Variants in TRIM44 observed in about 807,000 individuals in gnomAD.
TRIM44 encodes the protein tripartite motif containing 44, also known as tripartite motif-containing protein 44.
TRIM44 carries 13 observed loss-of-function variants against 37.4 expected under a neutral mutation model. The ratio of observed to expected loss-of-function variants is 0.35; its 90% CI spans 0.23 to 0.55. TRIM44 has a LOEUF of 0.55. TRIM44 is among the 20% of genes least tolerant of loss of function. The pLI is 0.89. For missense variants in TRIM44, 426 were observed against 437.2 expected (o/e 0.97, Z 0.23); for synonymous variants, 175 against 157.2 (o/e 1.11, Z -0.85).
chr11:35,736,910 C>T (rs1455823309), intron 4 of TRIM44, among the ~76,000 whole-genome samples: 1 of 152,138 alleles, frequency 6.6e-6, no homozygotes, highest in Non-Finnish European at 1.5e-5. Context: ...GTGTGTCTGG[C>T]ACTGTGCTAC....
chr11:35,675,615 G>A (rs1245499002), intron 1 of TRIM44, among the ~76,000 whole-genome samples: 1 of 152,082 alleles, frequency 6.6e-6, no homozygotes, highest in Non-Finnish European at 1.5e-5. Context: ...TCCGCCTCCC[G>A]GGTTCAAGTG....
intron 4 of TRIM44, among the ~76,000 whole-genome samples, chr11:35,798,267 C>G (rs1405185615): frequency 6.6e-6 from 1 of 152,102 alleles, no homozygotes; most frequent in Non-Finnish European, 1.5e-5. Context: ...TGTTGTCTGT[C>G]CTTTGTGAGG....
chr11:35,676,422 G>A (rs1207221664), intron 1 of TRIM44, among the ~76,000 whole-genome samples: 1 of 152,168 alleles, frequency 6.6e-6, no homozygotes, highest in Non-Finnish European at 1.5e-5. Context: ...AATCTGGTGG[G>A]TAGATAGGCT....
rs1853526002 is a variant in TRIM44, at chr11:35,811,355, T to C, written c.*4970T>C. 1.3e-5 allele frequency: 2 copies of C among 152,238 alleles called. No homozygotes were observed. The highest frequency in any genetic ancestry group is 4.8e-5 in the African/African-American group (2 of 41,472). The allele number at this position is 152,238 out of a possible 1,614,324, so 9.4% of individuals were successfully genotyped here. A position where few individuals can be genotyped will look rare whatever the true frequency, so the allele number is the denominator to read the frequency against. ...CTAAAGAATACTTGGTGCCAAATTA[T>C]GTTTTCAAATAACATTAAAGTTTTA... On this transcript the variant is annotated 3_prime_UTR_variant, in exon 5 of 5. Coordinates refer to ENST00000299413, the MANE Select transcript of TRIM44 (RefSeq NM_017583.6).
At chr11:35,797,024 A>C (rs2133881249) in intron 4 of TRIM44, among the ~76,000 whole-genome samples, 1 of 152,274 alleles carries the variant, frequency 6.6e-6, no homozygotes, top group South Asian at 2.1e-4. Context: ...TGCCTCTAAA[A>C]CCATATCTCT....
chr11:35,768,096 A>G (rs1404084033), intron 4 of TRIM44, among the ~76,000 whole-genome samples: 1 of 152,244 alleles, frequency 6.6e-6, no homozygotes, highest in Non-Finnish European at 1.5e-5. Flanking sequence ...CTAAAGGCCT[A>G]AAGGAAACTT....
chr11:35,752,725 C>CTTCCTATGTCAGGGCCTTTGTGCTCATG (rs1177433020), intron 4 of TRIM44, among the ~76,000 whole-genome samples: 1 of 152,138 alleles, frequency 6.6e-6, no homozygotes, highest in Non-Finnish European at 1.5e-5. Context: ...GGTGAAGTTC[C>CTTCCTATGTCAGGGCCTTTGTGCTCATG]TTCCTATGTC....
intron 2 of TRIM44, among the ~76,000 whole-genome samples, chr11:35,686,296 G>T (rs640977): frequency 0.08 from 12,157 of 151,586 alleles, 1,490 homozygotes; most frequent in African/African-American, 0.26. Flanking sequence ...CTTTGCCTTA[G>T]AATCAAAGTT....
Position 35,726,022 on chromosome 11 carries a change from C to T in TRIM44, c.846C>T (p.Asp282=), listed in dbSNP as rs1852170359. ...AGCAGAAGGCCCTTCATCTAGTGGA[C>T]ATCCAAGAGGCAATGGCCACAGCTC... The part of the protein sequence containing the change: ...DEEQKALHLV[D]IQEAMATAHV... Residue 282 remains aspartate, a synonymous_variant, in exon 3 of 5, where the codon GAC becomes GAT. Coordinates refer to ENST00000299413, the MANE Select transcript of TRIM44 (RefSeq NM_017583.6). The T allele has an allele frequency of 1.2e-6, 2 of 1,614,094 alleles. No homozygotes were observed. The highest frequency in any genetic ancestry group is 2.2e-5 in the East Asian group (1 of 44,868).
chr11:35,732,947 A>T (rs979551177), intron 3 of TRIM44, among the ~76,000 whole-genome samples: 5 of 152,230 alleles, frequency 3.3e-5, no homozygotes, highest in African/African-American at 1.2e-4. Context: ...TTGGATGAAC[A>T]TATAGCAAAA....
rs535493750 is a variant in TRIM44, at chr11:35,816,257, A to G, written c.*9872A>G. On this transcript the variant is annotated 3_prime_UTR_variant, in exon 5 of 5. Transcript: ENST00000299413. ...AAGAGTAAGAAATTGAATTTGTGAG[A>G]AAAAAAAACAGCTGAGACTGTTTCA... is the stretch of plus-strand genomic sequence containing the variant. The G allele has an allele frequency of 2.0e-5, 3 of 151,432 alleles. No homozygotes were observed. Among genetic ancestry groups the G allele is most frequent in the East Asian group, 1.9e-4 (1 of 5,158 alleles). 9.4% of individuals were successfully genotyped at this position (151,432 alleles called of 1,614,324 possible).
intron 4 of TRIM44, among the ~76,000 whole-genome samples, chr11:35,754,179 T>A (rs558506291): frequency 2.6e-5 from 4 of 152,334 alleles, no homozygotes; most frequent in Admixed American, 1.3e-4. Context: ...TCTTTAGTAA[T>A]CTTTACTAAT....
At chr11:35,791,329 G>A (rs138648036) in intron 4 of TRIM44, among the ~76,000 whole-genome samples, 1,573 of 152,140 alleles carry the variant, frequency 0.01, 10 homozygotes, top group Admixed American at 0.017. Context: ...TGAAACATCT[G>A]CTTGTGCTGC....
intron 2 of TRIM44, among the ~76,000 whole-genome samples, chr11:35,706,949 A>T (rs1011274875): frequency 6.6e-6 from 1 of 151,376 alleles, no homozygotes; most frequent in Admixed American, 6.6e-5. Flanking sequence ...AGGGTATTCA[A>T]TTAGGAAAAG....
intron 1 of TRIM44, among the ~76,000 whole-genome samples, chr11:35,677,933 A>T (rs1851477992): frequency 6.6e-6 from 1 of 152,202 alleles, no homozygotes; most frequent in Admixed American, 6.5e-5. Flanking sequence ...GGACTTTTTG[A>T]ACTAGTGACC....
At chr11:35,720,702 G>A (rs567490987) in intron 2 of TRIM44, among the ~76,000 whole-genome samples, 42 of 151,960 alleles carry the variant, frequency 2.8e-4, no homozygotes, top group Non-Finnish European at 3.8e-4. Flanking sequence ...TTAAGTGGAG[G>A]AAGCTCCCCC....
intron 2 of TRIM44, among the ~76,000 whole-genome samples, chr11:35,701,951 C>T (rs956811406): frequency 3.3e-5 from 5 of 152,100 alleles, no homozygotes; most frequent in Non-Finnish European, 7.4e-5. Flanking sequence ...CCCTAGTGAC[C>T]CTGCTTACTA....
intron 4 of TRIM44, among the ~76,000 whole-genome samples, chr11:35,752,241 C>T (rs1420505866): frequency 1.3e-5 from 2 of 150,762 alleles, no homozygotes; most frequent in Non-Finnish European, 3.0e-5. Context: ...CTTCACACCA[C>T]CTCTACCTCA....
At chr11:35,731,196 A>G (rs970983370) in intron 3 of TRIM44, among the ~76,000 whole-genome samples, 2 of 152,216 alleles carry the variant, frequency 1.3e-5, no homozygotes, top group African/African-American at 2.4e-5. Flanking sequence ...GGGATTCAGT[A>G]TATTACTATT....
Sources: allele counts gnomAD v4.1 joint callset (sites outside exome capture counted in the v4.1 genomes callset), GRCh38; gene constraint gnomAD v4.1.1; transcripts MANE v1.5; gene names NCBI Gene and HGNC (gene_info 2026-07-23, HGNC 2026-07-21).